Variants in BAIAP2 observed in about 807,000 individuals in gnomAD.
BAIAP2 encodes BAR/IMD domain-containing adapter protein 2.
A neutral mutation model predicts 63.0 loss-of-function variants in BAIAP2; 18 were observed. The ratio of observed to expected loss-of-function variants is 0.29; its 90% CI spans 0.20 to 0.42. The LOEUF (loss-of-function observed/expected upper bound fraction) is 0.42. Among genes scored for constraint, BAIAP2 ranks in the 10% least tolerant of loss-of-function variants. The probability of loss-of-function intolerance (pLI) is 1.00; values close to 1 mark genes in which losing one functional copy is unlikely to be tolerated. For synonymous variants in BAIAP2, 386 were observed against 307.6 expected (o/e 1.25, Z -2.67); for missense variants, 610 against 734.3 (o/e 0.83, Z 1.96).
chr17:81,103,212 T>A (rs1381819899), intron 7 of BAIAP2, among the ~76,000 whole-genome samples: 2 of 152,218 alleles, frequency 1.3e-5, no homozygotes, highest in Non-Finnish European at 1.5e-5. Context: ...TGTCCGTTCC[T>A]CCTTCCTCCA....
At chr17:81,041,963 TGACTTC>T in intron 1 of BAIAP2, among the ~76,000 whole-genome samples, 1 of 152,308 alleles carries the variant, frequency 6.6e-6, no homozygotes, top group Admixed American at 6.5e-5. Flanking sequence ...ATGAAGAGTT[TGACTTC>T]TGAGTCACAT....
chr17:81,104,230 G>A (rs1452208937), intron 9 of BAIAP2, 122 bp downstream of exon 9: 3 of 1,112,784 alleles, frequency 2.7e-6, no homozygotes, highest in African/African-American at 3.1e-5. Flanking sequence ...ATGTGACCGT[G>A]TGTACCTACA....
rs2060565842 is a variant in BAIAP2 at position 81,116,912 on chromosome 17, A to G, written c.*1073A>G. On this transcript the variant is annotated 3_prime_UTR_variant, in exon 14 of 14. Coordinates refer to ENST00000428708, the MANE Select transcript of BAIAP2 (RefSeq NM_001144888.2). ...CCAGGAGGGCAGTTGAGAGCTGGCC[A>G]GCGGAGGGTGCAGGGAAGCCCAGCT... The G allele has an allele frequency of 6.5e-6, 1 of 154,982 alleles. No individual in the cohort carries two copies. The highest frequency in any genetic ancestry group is 6.2e-5 in the Admixed American group (1 of 16,056). 9.6% of individuals were successfully genotyped at this position (154,982 alleles called of 1,614,324 possible).
At chr17:81,040,640 G>T (rs1015641410) in intron 1 of BAIAP2, among the ~76,000 whole-genome samples, 1 of 152,268 alleles carries the variant, frequency 6.6e-6, no homozygotes, top group African/African-American at 2.4e-5. Flanking sequence ...GGATTCTGGA[G>T]CATTCATGCT....
chr17:81,085,541 G>A, intron 4 of BAIAP2, 113 bp from the exon 5 acceptor site: 3 of 879,872 alleles, frequency 3.4e-6, no homozygotes, highest in East Asian at 2.6e-5. Flanking sequence ...GGCCCCTCCT[G>A]CACAGCCGGG....
chr17:81,077,078 T>C (rs987667615), intron 3 of BAIAP2, among the ~76,000 whole-genome samples: 4 of 152,016 alleles, frequency 2.6e-5, no homozygotes, highest in Admixed American at 2.6e-4. Context: ...GTGATTGCAG[T>C]GATTGAAGTG....
At chr17:81,104,947 T>G in intron 10 of BAIAP2, 1 of 446,744 alleles carries the variant, frequency 2.2e-6, no homozygotes, top group Non-Finnish European at 4.1e-6. Flanking sequence ...TGCAGGGGTC[T>G]TCCCCTACAG....
At chr17:81,045,978 G>A (rs1284475177) in intron 1 of BAIAP2, among the ~76,000 whole-genome samples, 1 of 152,186 alleles carries the variant, frequency 6.6e-6, no homozygotes, top group African/African-American at 2.4e-5. Flanking sequence ...CCCTCTGCGG[G>A]GTCTCATGGC....
rs112574740 is a variant in BAIAP2 at position 81,103,863 on chromosome 17, G to A, written c.865-44G>A. On this transcript the variant is annotated intron_variant, in intron 8 of 13. Coordinates refer to ENST00000428708, the MANE Select transcript of BAIAP2 (RefSeq NM_001144888.2). ...GTTCTCTTTCCCCCTGGTCTTGCCC[G>A]GGGTGGGCTCCAGCAACAGCCTGCT... The A allele has an allele frequency of 4.8e-5, 77 of 1,607,588 alleles. No individual in the cohort carries two copies. The highest frequency in any genetic ancestry group is 3.6e-4 in the Middle Eastern group (2 of 5,578).
intron 1 of BAIAP2, among the ~76,000 whole-genome samples, chr17:81,052,805 C>G (rs2048881337): frequency 6.6e-6 from 1 of 152,202 alleles, no homozygotes; most frequent in Non-Finnish European, 1.5e-5. Context: ...GCCCCACAGC[C>G]TCCTGCTTGT....
In BAIAP2 at chr17:81,084,997, C is replaced by G. The variant is rs567784678; in HGVS notation, c.279+104C>G. On this transcript the variant is annotated intron_variant, in intron 4 of 13. Coordinates refer to ENST00000428708, the MANE Select transcript of BAIAP2 (RefSeq NM_001144888.2). ...CCACTTGGGAACAGTCCCAGTTGTC[C>G]AGCCACACTCGGAGGCAGGGAGGGA... The G allele has an allele frequency of 4.3e-5, 52 of 1,210,776 alleles. No individual in the cohort carries two copies. The African/African-American group carries it at 7.4e-4, about 17-fold the overall frequency. 75.0% of individuals were successfully genotyped at this position (1,210,776 alleles called of 1,614,324 possible).
At position 81,093,987 on chromosome 17, in the gene BAIAP2, C is replaced by T. The variant is rs142506814; in HGVS notation, c.490-5941C>T. Among the ~76,000 whole-genome samples the T allele has an allele frequency of 5.5e-3, 768 of 138,644 alleles. 4 individuals carry two copies. Among genetic ancestry groups the T allele is most frequent in the African/African-American group, 0.019 (717 of 37,864 alleles). 91.0% of individuals were successfully genotyped at this position (138,644 alleles called of 152,430 possible). A position where few individuals can be genotyped will look rare whatever the true frequency, so the allele number is the denominator to read the frequency against. On this transcript the variant is annotated intron_variant, in intron 6 of 13. Coordinates refer to ENST00000428708, the MANE Select transcript of BAIAP2 (RefSeq NM_001144888.2). ...GTGTGGCCATGTTTCTCTGGAGTAA[C>T]ATCTCTGAGGGGTCCTGACCAGGAA...
chr17:81,044,609 C>T (rs545029328), intron 1 of BAIAP2, among the ~76,000 whole-genome samples: 91 of 152,342 alleles, frequency 6.0e-4, no homozygotes, highest in African/African-American at 1.9e-3. Flanking sequence ...ACAGTTCAGC[C>T]GTGACACCCA....
At chr17:81,114,740 C>T (rs1031912312) in intron 13 of BAIAP2, among the ~76,000 whole-genome samples, 84 of 152,280 alleles carry the variant, frequency 5.5e-4, no homozygotes, top group African/African-American at 1.9e-3. Context: ...GGCAGCTGGA[C>T]GGAACCCTGC....
intron 3 of BAIAP2, among the ~76,000 whole-genome samples, chr17:81,062,552 C>T (rs2050747524): frequency 6.6e-6 from 1 of 152,200 alleles, no homozygotes; most frequent in African/African-American, 2.4e-5. Context: ...TGGAGCCTCC[C>T]TGCTCCCTCG....
chr17:81,057,576 C>T (rs1445091933), intron 2 of BAIAP2: 18 of 1,060,634 alleles, frequency 1.7e-5, no homozygotes, highest in African/African-American at 1.3e-4. Context: ...TCCCTCCCCC[C>T]GGCCCTGCCT....
At chr17:81,047,887 C>T (rs1253695320) in intron 1 of BAIAP2, among the ~76,000 whole-genome samples, 2 of 152,262 alleles carry the variant, frequency 1.3e-5, no homozygotes, top group Non-Finnish European at 2.9e-5. Context: ...AGCACACACA[C>T]GGATATATGT....
At chr17:81,045,115 C>T (rs890969520) in intron 1 of BAIAP2, among the ~76,000 whole-genome samples, 6 of 152,208 alleles carry the variant, frequency 3.9e-5, no homozygotes, top group East Asian at 1.9e-4. Flanking sequence ...TGGTGTCCTG[C>T]GTGCAAGGCC....
intron 1 of BAIAP2, among the ~76,000 whole-genome samples, chr17:81,038,157 C>T (rs1343235529): frequency 6.6e-6 from 1 of 152,220 alleles, no homozygotes; most frequent in African/African-American, 2.4e-5. Context: ...GGGTAGTGGC[C>T]CAGATGGAGG....
Sources: gnomAD v4.1 joint callset for allele counts (sites outside exome capture counted in the v4.1 genomes callset) on GRCh38, gnomAD v4.1.1 for gene constraint, MANE v1.5 for transcripts, NCBI Gene and HGNC (gene_info 2026-07-23, HGNC 2026-07-21) for gene names.